CPA6: variants seen among roughly 807,000 people sequenced by gnomAD.
The protein encoded by CPA6 is carboxypeptidase B.
CPA6 carries 58 observed loss-of-function variants against 63.3 expected under a neutral mutation model. The observed-to-expected ratio is 0.92, with a 90% CI of 0.74 to 1.14. CPA6 has a LOEUF of 1.14. Ranked by LOEUF, CPA6 falls within the 50% of genes most tolerant of loss-of-function variation. The pLI is 0.00. For missense variants in CPA6, 565 were observed against 526.6 expected (o/e 1.07, Z -0.71); for synonymous variants, 185 against 179.0 (o/e 1.03, Z -0.27).
intron 1 of CPA6, among the ~76,000 whole-genome samples, chr8:67,674,981 T>C (rs1816437495): frequency 6.6e-6 from 1 of 151,944 alleles, no homozygotes; most frequent in South Asian, 2.1e-4. Context: ...TGGGTACACA[T>C]GAATATAAAC....
chr8:67,614,155 A>G (rs1205005252), intron 2 of CPA6, among the ~76,000 whole-genome samples: 1 of 152,186 alleles, frequency 6.6e-6, no homozygotes, highest in African/African-American at 2.4e-5. Context: ...GCAGATGGCA[A>G]AGCTGAAAGA....
At chr8:67,634,187 TTATTATTA>T (rs1461827044) in intron 1 of CPA6, among the ~76,000 whole-genome samples, 1 of 47,982 alleles carries the variant, frequency 2.1e-5, no homozygotes, top group Non-Finnish European at 4.6e-5. Context: ...TTAATTATTA[TTATTATTA>T]TTATTATTAT....
At chr8:67,573,390 A>C (rs2128976759) in intron 2 of CPA6, among the ~76,000 whole-genome samples, 1 of 152,320 alleles carries the variant, frequency 6.6e-6, no homozygotes, top group Non-Finnish European at 1.5e-5. Flanking sequence ...TTCCACCAAA[A>C]ATCTGTTAGA....
chr8:67,661,676 G>A (rs1325876908), intron 1 of CPA6, among the ~76,000 whole-genome samples: 1 of 152,202 alleles, frequency 6.6e-6, no homozygotes, highest in Admixed American at 6.5e-5. Flanking sequence ...AGTCAAGTCA[G>A]TTCCACAGCA....
intron 1 of CPA6, among the ~76,000 whole-genome samples, chr8:67,700,627 G>T (rs950582637): frequency 1.3e-5 from 2 of 152,176 alleles, no homozygotes; most frequent in African/African-American, 4.8e-5. Context: ...TTTGTAGCAT[G>T]GGTGATCTGT....
intron 1 of CPA6, among the ~76,000 whole-genome samples, chr8:67,724,994 A>T (rs1460558530): frequency 6.6e-6 from 1 of 152,216 alleles, no homozygotes. Context: ...TATAACTTTA[A>T]CCACAGTTGT....
At chr8:67,514,928 A>G (rs771135017) in intron 3 of CPA6, among the ~76,000 whole-genome samples, 1 of 152,242 alleles carries the variant, frequency 6.6e-6, no homozygotes, top group South Asian at 2.1e-4. Flanking sequence ...AGCATAGATA[A>G]AATACCTTTC....
At chr8:67,636,088 G>T (rs1288444613) in intron 1 of CPA6, among the ~76,000 whole-genome samples, 1 of 151,554 alleles carries the variant, frequency 6.6e-6, no homozygotes, top group African/African-American at 2.4e-5. Flanking sequence ...TTGTTGGTTT[G>T]GGGGTAGATG....
At chr8:67,487,304 T>C (rs1310995748) in intron 6 of CPA6, among the ~76,000 whole-genome samples, 1 of 152,188 alleles carries the variant, frequency 6.6e-6, no homozygotes, top group Non-Finnish European at 1.5e-5. Flanking sequence ...CATGTGGTGT[T>C]TGGCTTTCTG....
chr8:67,730,972 AATC>A (rs948933356), intron 1 of CPA6, among the ~76,000 whole-genome samples: 11 of 152,228 alleles, frequency 7.2e-5, no homozygotes, highest in Non-Finnish European at 1.5e-5. Flanking sequence ...ATTCTTAAGA[AATC>A]ATTATTTGCA....
chr8:67,525,937 G>A (rs1812352710), intron 2 of CPA6, among the ~76,000 whole-genome samples: 1 of 152,162 alleles, frequency 6.6e-6, no homozygotes, highest in Admixed American at 6.5e-5. Flanking sequence ...TTATTTGGGT[G>A]ATGGTAACAC....
chr8:67,567,183 A>G (rs1445165159), intron 2 of CPA6, among the ~76,000 whole-genome samples: 1 of 152,206 alleles, frequency 6.6e-6, no homozygotes, highest in South Asian at 2.1e-4. Flanking sequence ...TAGGGTCAAG[A>G]GAATAGACAA....
chr8:67,507,102 A>C (rs982439177), intron 5 of CPA6, among the ~76,000 whole-genome samples: 1 of 152,138 alleles, frequency 6.6e-6, no homozygotes, highest in African/African-American at 2.4e-5. Context: ...AAGAACTAGA[A>C]AGTACAAAAG....
At chr8:67,512,010 A>G (rs976806796) in intron 3 of CPA6, among the ~76,000 whole-genome samples, 3 of 152,214 alleles carry the variant, frequency 2.0e-5, no homozygotes, top group Admixed American at 6.5e-5. Flanking sequence ...TTTTATGTAC[A>G]TAATCTTAGC....
chr8:67,709,315 T>G (rs1219363342), intron 1 of CPA6, among the ~76,000 whole-genome samples: 1 of 152,188 alleles, frequency 6.6e-6, no homozygotes, highest in Non-Finnish European at 1.5e-5. Flanking sequence ...CTTGGATCTC[T>G]CAAATGTACT....
At chr8:67,436,476 G>A (rs1810159295) in intron 8 of CPA6, among the ~76,000 whole-genome samples, 1 of 151,716 alleles carries the variant, frequency 6.6e-6, no homozygotes, top group African/African-American at 2.4e-5. Context: ...ATATGTAAAG[G>A]TATCTGATAA....
At chr8:67,468,478 C>T (rs1346777928) in intron 8 of CPA6, among the ~76,000 whole-genome samples, 6 of 149,770 alleles carry the variant, frequency 4.0e-5, no homozygotes, top group East Asian at 4.0e-4. Context: ...CCCAGCTACT[C>T]GGGAGGCTGA....
Position 67,488,022 on chromosome 8 carries a change from A to G in CPA6, c.637-3233T>C, listed in dbSNP as rs576454388. ...TAGGTTGCCTGTTCACTCTGATGGTAGTTTCTTTTGCTGTGCAGAAGCCCT... is the reference window on the plus strand; with the variant it reads ...TAGGTTGCCTGTTCACTCTGATGGTGGTTTCTTTTGCTGTGCAGAAGCCCT... On this transcript the variant is annotated intron_variant, in intron 6 of 10. Transcript: ENST00000297770. 3.9e-5 allele frequency among the ~76,000 whole-genome samples: 6 copies of G among 152,210 alleles called. No individual in the cohort carries two copies. In the East Asian group the frequency reaches 7.7e-4, roughly 20 times the overall value.
chr8:67,481,063 C>T (rs1302663427), intron 8 of CPA6, among the ~76,000 whole-genome samples: 3 of 152,110 alleles, frequency 2.0e-5, no homozygotes, highest in Non-Finnish European at 4.4e-5. Context: ...ATAGAAGTCT[C>T]TTAGTAGATA....
Sources: allele counts gnomAD v4.1 joint callset (sites outside exome capture counted in the v4.1 genomes callset), GRCh38; gene constraint gnomAD v4.1.1; transcripts MANE v1.5; gene names NCBI Gene and HGNC (gene_info 2026-07-23, HGNC 2026-07-21).